NCOA3: variants seen among roughly 807,000 people sequenced by gnomAD.
NCOA3 encodes the protein CBP-interacting protein.
Under a neutral mutation model 158.8 loss-of-function variants are expected in NCOA3, and 51 were observed. That is an observed-to-expected ratio of 0.32 (90% CI 0.26 to 0.41). The LOEUF (loss-of-function observed/expected upper bound fraction) is 0.41. Among genes scored for constraint, NCOA3 ranks in the 10% least tolerant of loss-of-function variants. The pLI is 1.00. For missense variants in NCOA3, 1,510 were observed against 1,746.6 expected, an observed-to-expected ratio of 0.86 and a Z score of 2.41; for synonymous variants, 537 against 592.4, an observed-to-expected ratio of 0.91 and a Z score of 1.36.
At chr20:47,521,133 G>C (rs890871025) in intron 1 of NCOA3, among the ~76,000 whole-genome samples, 1 of 152,166 alleles carries the variant, frequency 6.6e-6, no homozygotes, top group Non-Finnish European at 1.5e-5. Flanking sequence ...TTGCTGGCCA[G>C]TTTCTTTCCG....
At chr20:47,594,460 C>T (rs976247040) in intron 2 of NCOA3, among the ~76,000 whole-genome samples, 3 of 150,842 alleles carry the variant, frequency 2.0e-5, no homozygotes, top group African/African-American at 2.4e-5. Flanking sequence ...GTCAGGAGTT[C>T]GAAACCAGCC....
chr20:47,556,020 T>C (rs1473381114), intron 1 of NCOA3, among the ~76,000 whole-genome samples: 25 of 144,122 alleles, frequency 1.7e-4, no homozygotes, highest in African/African-American at 6.4e-4. Context: ...CTGCAATCTC[T>C]GCCTCCCGGA....
At chr20:47,524,313 T>G (rs927118696) in intron 1 of NCOA3, among the ~76,000 whole-genome samples, 5 of 152,184 alleles carry the variant, frequency 3.3e-5, no homozygotes, top group Non-Finnish European at 7.3e-5. Context: ...TCCTGCATGT[T>G]AGACACACGG....
At chr20:47,509,794 A>G (rs188101594) in intron 1 of NCOA3, among the ~76,000 whole-genome samples, 21 of 152,344 alleles carry the variant, frequency 1.4e-4, no homozygotes, top group Admixed American at 5.9e-4. Flanking sequence ...AGAGTTACTC[A>G]GTACTGTTTA....
chr20:47,629,936 T>C (rs564650572), intron 8 of NCOA3, among the ~76,000 whole-genome samples: 3 of 152,172 alleles, frequency 2.0e-5, no homozygotes, highest in Non-Finnish European at 4.4e-5. Context: ...AAACAGGACA[T>C]GATGGAGAAA....
At chr20:47,546,064 T>TATC in intron 1 of NCOA3, among the ~76,000 whole-genome samples, 1 of 152,318 alleles carries the variant, frequency 6.6e-6, no homozygotes, top group Non-Finnish European at 1.5e-5. Flanking sequence ...CTCACTTGTA[T>TATC]ATCCAACTGT....
intron 1 of NCOA3, among the ~76,000 whole-genome samples, chr20:47,505,003 GTTTTTTTTT>G (rs1166777115): frequency 0.014 from 389 of 28,538 alleles, 11 homozygotes; most frequent in South Asian, 0.14. Context: ...TGGGTTTTTG[GTTTTTTTTT>G]TTTTTTTTTT....
intron 9 of NCOA3, 85 bp downstream of exon 9, chr20:47,633,721 T>G: frequency 1.4e-6 from 2 of 1,437,850 alleles, no homozygotes; most frequent in South Asian, 2.7e-5. Context: ...GGACTCGAAC[T>G]CCTGGATTTA....
intron 1 of NCOA3, among the ~76,000 whole-genome samples, chr20:47,544,176 TC>T (rs2084789604): frequency 6.6e-6 from 1 of 151,940 alleles, no homozygotes; most frequent in Admixed American, 6.6e-5. Flanking sequence ...TTTTTTCTGT[TC>T]CAGGATCCAA....
chr20:47,504,408 C>T (rs574465747), intron 1 of NCOA3, among the ~76,000 whole-genome samples: 1 of 147,700 alleles, frequency 6.8e-6, no homozygotes, highest in Non-Finnish European at 1.5e-5. Context: ...TTACTAATGT[C>T]TTCTTGACTG....
rs117831690 is a variant in NCOA3, at chr20:47,517,222, A to C, written c.-99+15203A>C. On this transcript the variant is annotated intron_variant, in intron 1 of 22. Transcript: ENST00000371998. ...GACAGCGAGACTCCGTCTCCTCCCCAAAAAAATTACCTTATAATATTTTTT... is the reference window on the plus strand; with the variant it reads ...GACAGCGAGACTCCGTCTCCTCCCCCAAAAAATTACCTTATAATATTTTTT... 2.8e-3 allele frequency among the ~76,000 whole-genome samples: 426 copies of C among 152,270 alleles called. 9 individuals carry two copies. In the East Asian group the frequency reaches 0.052, roughly 18 times the overall value.
intron 1 of NCOA3, 22 bp downstream of exon 1, chr20:47,502,041 G>A (rs1017857195): frequency 2.5e-6 from 1 of 399,554 alleles, no homozygotes; most frequent in African/African-American, 2.1e-5. Flanking sequence ...TAAAGGAGGA[G>A]GCGGTGGCGG....
rs1176718966 is a variant in NCOA3, at chr20:47,596,481, C to T, written c.-20+13220C>T. On this transcript the variant is annotated intron_variant, in intron 2 of 22. Transcript: ENST00000371998. ...GTTGCAATGATCATTTTTTGTATCTCGTTTAAAATATTTTTATTGCTCTAA... is the reference window on the plus strand; with the variant it reads ...GTTGCAATGATCATTTTTTGTATCTTGTTTAAAATATTTTTATTGCTCTAA... 7.9e-5 allele frequency among the ~76,000 whole-genome samples: 12 copies of T among 152,156 alleles called. No homozygotes were observed. The South Asian group carries it at 1.5e-3, about 18-fold the overall frequency.
intron 17 of NCOA3, among the ~76,000 whole-genome samples, chr20:47,645,020 A>G (rs930742825): frequency 6.6e-6 from 1 of 152,080 alleles, no homozygotes; most frequent in Admixed American, 6.5e-5. Context: ...TTCCACATGT[A>G]GAGTTGTTTT....
intron 18 of NCOA3, among the ~76,000 whole-genome samples, chr20:47,648,349 T>C (rs1480034574): frequency 6.6e-6 from 1 of 152,220 alleles, no homozygotes; most frequent in Non-Finnish European, 1.5e-5. Flanking sequence ...TAGGGAAAGC[T>C]AATGGAGTTT....
At chr20:47,603,727 CT>C (rs2085900846) in intron 2 of NCOA3, among the ~76,000 whole-genome samples, 2 of 152,202 alleles carry the variant, frequency 1.3e-5, no homozygotes, top group Non-Finnish European at 1.5e-5. Context: ...CCCATCTCCT[CT>C]CTGACCGTCC....
intron 1 of NCOA3, among the ~76,000 whole-genome samples, chr20:47,579,127 G>T (rs1183226387): frequency 6.6e-6 from 1 of 152,082 alleles, no homozygotes; most frequent in Non-Finnish European, 1.5e-5. Flanking sequence ...TAGGTCTCTG[G>T]TGATGAAGGC....
intron 1 of NCOA3, among the ~76,000 whole-genome samples, chr20:47,521,504 G>T (rs1361529213): frequency 6.6e-6 from 1 of 152,124 alleles, no homozygotes; most frequent in Non-Finnish European, 1.5e-5. Context: ...ATTGGCTAGG[G>T]TTAGACTGCA....
chr20:47,559,921 G>A (rs1328035471), intron 1 of NCOA3, among the ~76,000 whole-genome samples: 1 of 151,808 alleles, frequency 6.6e-6, no homozygotes, highest in Non-Finnish European at 1.5e-5. Flanking sequence ...CAAAGTGCTA[G>A]GATTACAGGC....
Sources: gnomAD v4.1 joint callset for allele counts (sites outside exome capture counted in the v4.1 genomes callset) on GRCh38, gnomAD v4.1.1 for gene constraint, MANE v1.5 for transcripts, NCBI Gene and HGNC (gene_info 2026-07-23, HGNC 2026-07-21) for gene names.